CYP7B1: variants seen among roughly 807,000 people sequenced by gnomAD.
The protein encoded by CYP7B1 is cytochrome P450 family 7 subfamily B member 1.
CYP7B1 carries 29 observed loss-of-function variants against 42.7 expected under a neutral mutation model. That is an observed-to-expected ratio of 0.68 (90% CI 0.51 to 0.93). CYP7B1 has a LOEUF of 0.93. CYP7B1 is among the 40% of genes least tolerant of loss of function. The pLI is 0.00. For synonymous variants in CYP7B1, 235 were observed against 218.2 expected, an observed-to-expected ratio of 1.08 and a Z score of -0.68; for missense variants, 655 against 600.5, an observed-to-expected ratio of 1.09 and a Z score of -0.95.
chr8:64,747,114 T>G (rs1412126453), intron 1 of CYP7B1, among the ~76,000 whole-genome samples: 1 of 149,528 alleles, frequency 6.7e-6, no homozygotes, highest in Non-Finnish European at 1.5e-5. Context: ...ATATATTTAT[T>G]GTTATTTATA....
intron 1 of CYP7B1, among the ~76,000 whole-genome samples, chr8:64,766,622 G>T (rs948062851): frequency 6.6e-6 from 1 of 152,100 alleles, no homozygotes; most frequent in Non-Finnish European, 1.5e-5. Context: ...AATAGGGCTT[G>T]CTTCCAGTGC....
intron 1 of CYP7B1, among the ~76,000 whole-genome samples, chr8:64,711,505 T>C (rs1807079248): frequency 6.6e-6 from 1 of 152,162 alleles, no homozygotes; most frequent in African/African-American, 2.4e-5. Context: ...TCTGTCACTC[T>C]CTGAAATGAG....
intron 1 of CYP7B1, among the ~76,000 whole-genome samples, chr8:64,674,933 G>C (rs151227842): frequency 1.8e-3 from 272 of 152,044 alleles, no homozygotes; most frequent in African/African-American, 6.2e-3. Flanking sequence ...ACAATTTAAA[G>C]ATTTTTTTTA....
chr8:64,704,118 A>G (rs1220277597), intron 1 of CYP7B1: 1 of 152,066 alleles, frequency 6.6e-6, no homozygotes, highest in South Asian at 2.1e-4. Context: ...AAGCATTTCT[A>G]TTTTTAAAAA....
chr8:64,789,069 C>G (rs1804575612), intron 1 of CYP7B1, among the ~76,000 whole-genome samples: 1 of 152,026 alleles, frequency 6.6e-6, no homozygotes, highest in South Asian at 2.1e-4. Flanking sequence ...TACAGGCACG[C>G]ACCATCATGC....
chr8:64,764,672 A>G (rs1243273381), intron 1 of CYP7B1, among the ~76,000 whole-genome samples: 2 of 152,182 alleles, frequency 1.3e-5, no homozygotes, highest in Admixed American at 6.5e-5. Context: ...AATACATTCA[A>G]ACTGTAGTGG....
intron 1 of CYP7B1, among the ~76,000 whole-genome samples, chr8:64,777,174 T>TAAAA (rs71561235): frequency 1.8e-5 from 2 of 113,124 alleles, no homozygotes; most frequent in Non-Finnish European, 3.7e-5. Context: ...GGTCATTTTG[T>TAAAA]AAAAAAAAAA....
intron 1 of CYP7B1, among the ~76,000 whole-genome samples, chr8:64,757,598 A>T (rs937830915): frequency 6.6e-6 from 1 of 152,204 alleles, no homozygotes. Flanking sequence ...CTTCAAGATC[A>T]TCTCAGGCCC....
intron 2 of CYP7B1, among the ~76,000 whole-genome samples, chr8:64,621,590 C>T (rs979972178): frequency 5.3e-5 from 8 of 152,098 alleles, no homozygotes; most frequent in East Asian, 1.9e-4. Flanking sequence ...AAGCACAAGG[C>T]GAGCAGCAGC....
At chr8:64,665,425 G>A (rs1806259675) in intron 1 of CYP7B1, among the ~76,000 whole-genome samples, 1 of 152,018 alleles carries the variant, frequency 6.6e-6, no homozygotes, top group South Asian at 2.1e-4. Flanking sequence ...CTGGAGGAGT[G>A]CATTCAAAGA....
chr8:64,589,406 A>G (rs1212714951), downstream of CYP7B1, among the ~76,000 whole-genome samples: 2 of 152,244 alleles, frequency 1.3e-5, no homozygotes, highest in Non-Finnish European at 2.9e-5. Flanking sequence ...GTAATTGCTC[A>G]GTATGAAGGA....
intron 1 of CYP7B1, 116 bp downstream of exon 1, chr8:64,798,350 G>A: frequency 2.2e-6 from 3 of 1,354,938 alleles, no homozygotes; most frequent in Admixed American, 7.8e-5. Flanking sequence ...GTACCCCGCA[G>A]CAAGTTCTGA....
intron 1 of CYP7B1, among the ~76,000 whole-genome samples, chr8:64,664,838 G>A (rs1214428330): frequency 6.6e-6 from 1 of 152,086 alleles, no homozygotes; most frequent in Non-Finnish European, 1.5e-5. Context: ...GAAACATTGC[G>A]ACAGAATATA....
intron 1 of CYP7B1, among the ~76,000 whole-genome samples, chr8:64,631,900 C>CA (rs35942788): frequency 3.3e-5 from 5 of 151,986 alleles, no homozygotes; most frequent in African/African-American, 1.2e-4. Flanking sequence ...GACTATTATC[C>CA]AAAAAAACAA....
intron 1 of CYP7B1, among the ~76,000 whole-genome samples, chr8:64,723,943 G>A (rs895913013): frequency 3.9e-5 from 6 of 152,058 alleles, no homozygotes; most frequent in African/African-American, 1.4e-4. Context: ...TAAAAAATAA[G>A]ATGCAGAGAA....
At chr8:64,754,351 A>G (rs945762512) in intron 1 of CYP7B1, among the ~76,000 whole-genome samples, 2 of 152,236 alleles carry the variant, frequency 1.3e-5, no homozygotes, top group African/African-American at 4.8e-5. Context: ...GGTGCATTAC[A>G]TTAATAAATT....
chr8:64,646,836 T>C (rs1406155191), intron 1 of CYP7B1, among the ~76,000 whole-genome samples: 1 of 152,226 alleles, frequency 6.6e-6, no homozygotes, highest in Non-Finnish European at 1.5e-5. Context: ...TAAAACTTTT[T>C]CTCTATCAGC....
In CYP7B1 at chr8:64,729,527, A is replaced by C. The variant is rs187455947; in HGVS notation, c.122+68939T>G. ...TAAAATTGTTTGTCGAGGCGTTAAA[A>C]ACTCTTATGTTAGTTATAAATGTTA... On this transcript the variant is annotated intron_variant, in intron 1 of 5. Coordinates refer to ENST00000310193, the MANE Select transcript of CYP7B1 (RefSeq NM_004820.5). Among the ~76,000 whole-genome samples the C allele has an allele frequency of 2.0e-5, 3 of 152,340 alleles. No individual in the cohort carries two copies. In the East Asian group the frequency reaches 5.8e-4, roughly 29 times the overall value.
At position 64,647,405 on chromosome 8, in the gene CYP7B1, G is replaced by A. The variant is rs185305667; in HGVS notation, c.123-22866C>T. On this transcript the variant is annotated intron_variant, in intron 1 of 5. Transcript: ENST00000310193. ...GTTGCAAAAAAAAATGGTGCTGATA[G>A]ATTTGCTTAATTCAGGACTGCCACA... Among the ~76,000 whole-genome samples, 58 of 152,284 alleles carry A rather than the reference G, an allele frequency of 3.8e-4. 1 individual carries two copies. The highest frequency in any genetic ancestry group is 6.8e-3 in the Middle Eastern group (2 of 294).
Sources: gnomAD v4.1 joint callset for allele counts (sites outside exome capture counted in the v4.1 genomes callset) on GRCh38, gnomAD v4.1.1 for gene constraint, MANE v1.5 for transcripts, NCBI Gene and HGNC (gene_info 2026-07-23, HGNC 2026-07-21) for gene names.